Variants in MID1 observed in about 807,000 individuals in gnomAD.
MID1 encodes the protein midline 1, also known as E3 ubiquitin-protein ligase Midline-1.
Under a neutral mutation model 40.4 loss-of-function variants are expected in MID1, and 7 were observed. The observed-to-expected ratio is 0.17, with a 90% CI of 0.10 to 0.33. The LOEUF is 0.33. Ranked by LOEUF, MID1 falls within the 10% of genes least tolerant of loss-of-function variation. The pLI is 1.00. For missense variants in MID1, 367 were observed against 558.5 expected, an observed-to-expected ratio of 0.66 and a Z score of 3.46; for synonymous variants, 229 against 221.2, an observed-to-expected ratio of 1.04 and a Z score of -0.31.
At chrX:10,539,998 C>A (rs752139477) in intron 2 of MID1, among the ~76,000 whole-genome samples, 336 of 112,411 alleles carry the variant, frequency 3.0e-3, no homozygotes, top group Non-Finnish European at 4.9e-3. Context: ...GTCAGGAGTT[C>A]AAGACCAGCC....
At chrX:10,513,797 C>G (rs943156315) in intron 3 of MID1, among the ~76,000 whole-genome samples, 1 of 112,534 alleles carries the variant, frequency 8.9e-6, no homozygotes, top group African/African-American at 3.2e-5. Context: ...GCGTGAGCCA[C>G]TGTGCCTGGC....
intron 3 of MID1, among the ~76,000 whole-genome samples, chrX:10,495,961 C>T: frequency 8.9e-6 from 1 of 112,104 alleles, no homozygotes; most frequent in Non-Finnish European, 1.9e-5. Flanking sequence ...TGTACATAGC[C>T]ATTACCAATT....
intron 1 of MID1, among the ~76,000 whole-genome samples, chrX:10,603,940 G>A (rs752855113): frequency 2.7e-5 from 3 of 111,563 alleles, no homozygotes; most frequent in Non-Finnish European, 5.6e-5. Context: ...TGATGATAAG[G>A]AACCCGGCTG....
At chrX:10,732,824 T>A (rs766393509) in intron 1 of MID1, among the ~76,000 whole-genome samples, 1 of 110,554 alleles carries the variant, frequency 9.0e-6, no homozygotes, top group East Asian at 2.8e-4. Context: ...AAATACATTT[T>A]CACATACATG....
At chrX:10,566,701 C>CA (rs1934566317) in intron 2 of MID1, among the ~76,000 whole-genome samples, 187 bp downstream of exon 2, 1 of 111,470 alleles carries the variant, frequency 9.0e-6, no homozygotes, top group Non-Finnish European at 1.9e-5. Flanking sequence ...TTACAAGCAG[C>CA]AGTCAACTTT....
intron 2 of MID1, among the ~76,000 whole-genome samples, chrX:10,552,170 TAA>T (rs34084751): frequency 0.12 from 11,549 of 98,566 alleles, 875 homozygotes; most frequent in African/African-American, 0.28. Flanking sequence ...GAAGGAGTGG[TAA>T]AAAAAAAAAA....
At chrX:10,736,804 C>G (rs2043490818) in intron 1 of MID1, among the ~76,000 whole-genome samples, 1 of 112,230 alleles carries the variant, frequency 8.9e-6, no homozygotes, top group Non-Finnish European at 1.9e-5. Flanking sequence ...AGAGGTGGCA[C>G]AGTATCTTTA....
At chrX:10,508,589 A>G (rs950777039) in intron 3 of MID1, among the ~76,000 whole-genome samples, 3 of 111,793 alleles carry the variant, frequency 2.7e-5, no homozygotes, top group African/African-American at 9.8e-5. Context: ...CATGCCAAAT[A>G]TGAAGGAGAG....
At chrX:10,588,319 AT>A (rs965179257) in intron 1 of MID1, among the ~76,000 whole-genome samples, 20 of 108,889 alleles carry the variant, frequency 1.8e-4, no homozygotes, top group African/African-American at 4.0e-4. Flanking sequence ...TTTTTGCATA[AT>A]TTTTTTTTTC....
intron 1 of MID1, among the ~76,000 whole-genome samples, chrX:10,589,435 C>G (rs1232930609): frequency 9.0e-6 from 1 of 111,042 alleles, no homozygotes; most frequent in African/African-American, 3.3e-5. Context: ...CGCTTCCACT[C>G]AAATGGAGCG....
At chrX:10,641,153 A>G (rs1602490563) in intron 1 of MID1, among the ~76,000 whole-genome samples, 1 of 112,028 alleles carries the variant, frequency 8.9e-6, no homozygotes, top group Non-Finnish European at 1.9e-5. Context: ...AAGGCAAGAA[A>G]TAACTAAGAT....
At chrX:10,602,495 C>T (rs1053982498) in intron 1 of MID1, among the ~76,000 whole-genome samples, 8 of 110,489 alleles carry the variant, frequency 7.2e-5, no homozygotes, top group South Asian at 3.9e-4. Context: ...CCCTATCCCC[C>T]GGCAACCACG....
intron 1 of MID1, among the ~76,000 whole-genome samples, chrX:10,640,839 C>T (rs1936184562): frequency 2.7e-5 from 3 of 111,638 alleles, no homozygotes; most frequent in South Asian, 7.6e-4. Context: ...TGCAATCAAA[C>T]TAGAACTCAG....
At chrX:10,811,512 G>C (rs747862660) in intron 1 of MID1, among the ~76,000 whole-genome samples, 1 of 112,381 alleles carries the variant, frequency 8.9e-6, no homozygotes, top group South Asian at 3.7e-4. Flanking sequence ...AGGTTGTCTG[G>C]CTCTCAAGCA....
intron 7 of MID1, among the ~76,000 whole-genome samples, chrX:10,468,118 T>C (rs1408924356): frequency 1.8e-5 from 2 of 112,252 alleles, no homozygotes; most frequent in East Asian, 2.8e-4. Context: ...GTTCTTGACA[T>C]TGCATGACTT....
intron 1 of MID1, among the ~76,000 whole-genome samples, chrX:10,756,867 C>G (rs1411560060): frequency 8.9e-6 from 1 of 111,852 alleles, no homozygotes; most frequent in Non-Finnish European, 1.9e-5. Context: ...GCTGCCAGCA[C>G]TTTCCCGGGC....
chrX:10,705,651 C>A (rs1230637069), intron 1 of MID1, among the ~76,000 whole-genome samples: 1 of 111,845 alleles, frequency 8.9e-6, no homozygotes, highest in Non-Finnish European at 1.9e-5. Flanking sequence ...TCACATTTAA[C>A]CTTACAACAG....
At chrX:10,673,184 C>T (rs150271861) in intron 1 of MID1, among the ~76,000 whole-genome samples, 2,158 of 111,136 alleles carry the variant, frequency 0.019, 49 homozygotes, top group African/African-American at 0.067. Context: ...ATTTTCTTTC[C>T]CTCAACCAGT....
At chrX:10,452,058 T>G (rs767459048) in intron 9 of MID1, among the ~76,000 whole-genome samples, 1 of 112,132 alleles carries the variant, frequency 8.9e-6, no homozygotes, top group South Asian at 3.7e-4. Context: ...TCTGTATTGT[T>G]TCCTTCTTGT....
Sources: gnomAD v4.1 joint callset for allele counts (sites outside exome capture counted in the v4.1 genomes callset) on GRCh38, gnomAD v4.1.1 for gene constraint, MANE v1.5 for transcripts, NCBI Gene and HGNC (gene_info 2026-07-23, HGNC 2026-07-21) for gene names.